TJP1: variants seen among roughly 807,000 people sequenced by gnomAD.
TJP1 encodes tight junction protein ZO-1.
A neutral mutation model predicts 194.2 loss-of-function variants in TJP1; 43 were observed. That is an observed-to-expected ratio of 0.22 (90% CI 0.17 to 0.29). TJP1 has a LOEUF of 0.29. Ranked by LOEUF, TJP1 falls within the 10% of genes least tolerant of loss-of-function variation. The probability of loss-of-function intolerance (pLI) is 1.00; values close to 1 mark genes in which losing one functional copy is unlikely to be tolerated. For synonymous variants in TJP1, 801 were observed against 779.0 expected (o/e 1.03, Z -0.47); for missense variants, 1,971 against 2,185.7 (o/e 0.90, Z 1.96).
chr15:29,842,781 CA>C (rs1297801728), intron 2 of TJP1, among the ~76,000 whole-genome samples: 1 of 152,180 alleles, frequency 6.6e-6, no homozygotes, highest in East Asian at 1.9e-4. Context: ...CTGCTGCCCC[CA>C]GGTAACAATA....
intron 2 of TJP1, among the ~76,000 whole-genome samples, chr15:29,929,882 C>A (rs902545269): frequency 1.6e-4 from 24 of 151,732 alleles, no homozygotes; most frequent in African/African-American, 5.8e-4. Flanking sequence ...ATAGAGAAGG[C>A]ATAAATAGGA....
At chr15:29,830,170 A>T (rs1051047386) in intron 2 of TJP1, among the ~76,000 whole-genome samples, 11 of 152,008 alleles carry the variant, frequency 7.2e-5, no homozygotes, top group African/African-American at 2.7e-4. Context: ...CACTGTAAAA[A>T]AATCTTAAAT....
At chr15:29,849,439 T>TA (rs1567132119) in intron 2 of TJP1, among the ~76,000 whole-genome samples, 155 of 138,920 alleles carry the variant, frequency 1.1e-3, no homozygotes, top group African/African-American at 3.9e-3. Flanking sequence ...CAAATTTTAT[T>TA]TAAAAAAAAA....
At chr15:29,910,582 T>G (rs895150626) in intron 2 of TJP1, among the ~76,000 whole-genome samples, 1 of 152,250 alleles carries the variant, frequency 6.6e-6, no homozygotes, top group Non-Finnish European at 1.5e-5. Context: ...GAATGTAGAT[T>G]ATTCTATATT....
upstream of TJP1, among the ~76,000 whole-genome samples, chr15:29,826,133 C>G (rs147386877): frequency 6.4e-5 from 9 of 140,332 alleles, no homozygotes; most frequent in African/African-American, 2.3e-4. Context: ...ATTACCAACA[C>G]CATTTCATTT....
intron 1 of TJP1, chr15:29,968,586 G>A (rs1324511349): frequency 1.1e-5 from 10 of 888,786 alleles, no homozygotes; most frequent in Non-Finnish European, 1.3e-5. Context: ...CGCCCCGGCC[G>A]CCGCTCGCTC....
intron 5 of TJP1, among the ~76,000 whole-genome samples, chr15:29,763,288 C>T (rs931389385): frequency 6.6e-6 from 1 of 152,160 alleles, no homozygotes; most frequent in Non-Finnish European, 1.5e-5. Context: ...TGCAGAAAAA[C>T]ATATTTTAAG....
intron 2 of TJP1, among the ~76,000 whole-genome samples, chr15:29,893,158 T>TG (rs1374243731): frequency 6.6e-6 from 1 of 151,832 alleles, no homozygotes; most frequent in African/African-American, 2.4e-5. Flanking sequence ...ACTGCAGATG[T>TG]GGGGGGAAAT....
intron 2 of TJP1, among the ~76,000 whole-genome samples, chr15:29,947,779 A>C (rs955633960): frequency 6.6e-6 from 1 of 152,184 alleles, no homozygotes; most frequent in African/African-American, 2.4e-5. Flanking sequence ...GAAATACAGC[A>C]TGTGAGGGCA....
chr15:29,808,135 G>A (rs911400256), intron 1 of TJP1, among the ~76,000 whole-genome samples: 3 of 152,274 alleles, frequency 2.0e-5, no homozygotes, highest in Non-Finnish European at 4.4e-5. Flanking sequence ...AGGCATGGGG[G>A]CACATGCCTG....
chr15:29,718,400 G>C lies in TJP1; in HGVS notation c.3742C>G (p.Pro1248Ala), dbSNP rs778067563. Residue 1248 changes from proline (P) to alanine (A), a missense_variant, in exon 21 of 28, where the codon CCA becomes GCA. Pro to Ala is a conservative substitution (Grantham distance 27). This residue lies in a region of TJP1 where 1,108 missense variants were observed against 1,128.5 expected (regional missense o/e 0.98). Transcript: ENST00000614355. ...TCTTCCTCTTCTTCGGTTTGAGTTG[G>C]GGGTGGAGGCAGTGGTTTGGTGTTT... ...PSNTKPLPPP[P>A]TQTEEEEDPA... The C allele has an allele frequency of 1.2e-5, 20 of 1,614,038 alleles. No individual in the cohort carries two copies. Among genetic ancestry groups the C allele is most frequent in the Admixed American group, 3.3e-5 (2 of 59,998 alleles).
In TJP1 at chr15:29,718,322, T is replaced by G. The variant is rs1729027631; in HGVS notation, c.3820A>C (p.Lys1274Gln). Residue 1274 changes from lysine to glutamine, a missense_variant, in exon 21 of 28, where the codon AAA (lysine) becomes CAA (glutamine). Lys to Gln is a moderately conservative substitution (Grantham distance 53). This residue lies in a region of TJP1 where 1,108 missense variants were observed against 1,128.5 expected (regional missense o/e 0.98). Transcript: ENST00000614355. Reference sequence around the variant, plus strand: ...TTGGTCTCTAAGGATGCAGATCTTTTGTTTTCAAACATCTTAACTCTGGTG... The same window carrying G: ...TTGGTCTCTAAGGATGCAGATCTTTGGTTTTCAAACATCTTAACTCTGGTG... ...VLTRVKMFEN[K>Q]RSASLETKKD... 1 of 1,614,024 alleles carries G rather than the reference T, an allele frequency of 6.2e-7. No homozygotes were observed.
At chr15:29,953,030 C>A (rs1361797101) in intron 2 of TJP1, among the ~76,000 whole-genome samples, 2 of 151,712 alleles carry the variant, frequency 1.3e-5, no homozygotes, top group African/African-American at 4.8e-5. Flanking sequence ...AAGTCAACTT[C>A]CTTAGAAAAA....
intron 2 of TJP1, among the ~76,000 whole-genome samples, chr15:29,932,143 G>T (rs2054738011): frequency 6.6e-6 from 1 of 152,156 alleles, no homozygotes; most frequent in African/African-American, 2.4e-5. Flanking sequence ...AACCGTCTGG[G>T]AATGCAGCCC....
At chr15:29,806,454 C>CT (rs2049117559) in intron 1 of TJP1, among the ~76,000 whole-genome samples, 2 of 152,146 alleles carry the variant, frequency 1.3e-5, no homozygotes, top group Non-Finnish European at 2.9e-5. Context: ...AAGGAACACC[C>CT]TTTCTTGATG....
intron 2 of TJP1, among the ~76,000 whole-genome samples, chr15:29,930,299 T>TC (rs2054665906): frequency 6.6e-6 from 1 of 152,180 alleles, no homozygotes; most frequent in African/African-American, 2.4e-5. Context: ...CATGAACATC[T>TC]CACTTACTAA....
intron 1 of TJP1, chr15:29,967,973 C>G (rs544953944): frequency 1.2e-6 from 1 of 802,312 alleles, no homozygotes; most frequent in African/African-American, 1.9e-5. Flanking sequence ...ACCTAGGTGG[C>G]TCCTGGGATT....
At chr15:29,713,552 A>G (rs544884915) in intron 23 of TJP1, among the ~76,000 whole-genome samples, 39 of 152,358 alleles carry the variant, frequency 2.6e-4, no homozygotes, top group South Asian at 2.3e-3. Flanking sequence ...CTACTCCTGT[A>G]TTTACTGAAA....
At chr15:29,856,566 G>A (rs1022670108) in intron 2 of TJP1, among the ~76,000 whole-genome samples, 1 of 152,106 alleles carries the variant, frequency 6.6e-6, no homozygotes, top group Admixed American at 6.5e-5. Context: ...TTCAGATGGA[G>A]TAAAGATTTA....
Sources: gnomAD v4.1 joint callset for allele counts (sites outside exome capture counted in the v4.1 genomes callset) on GRCh38, gnomAD v4.1.1 for gene constraint, gnomAD v4.1.1 regional missense constraint, MANE v1.5 for transcripts, NCBI Gene and HGNC (gene_info 2026-07-23, HGNC 2026-07-21) for gene names.